PLEKHG4B: variants seen among roughly 807,000 people sequenced by gnomAD.
PLEKHG4B encodes the protein pleckstrin homology and RhoGEF domain containing G4B, also known as pleckstrin homology domain-containing family G member 4B.
In PLEKHG4B, 111 loss-of-function variants were observed where a neutral mutation model predicts 121.3. The ratio of observed to expected loss-of-function variants is 0.92; its 90% CI spans 0.78 to 1.07. The LOEUF (loss-of-function observed/expected upper bound fraction) is 1.07, where lower values mean the gene tolerates loss of function less well. Among genes scored for constraint, PLEKHG4B ranks in the 50% least tolerant of loss-of-function variants. The probability of loss-of-function intolerance (pLI) is 0.00; values close to 1 mark genes in which losing one functional copy is unlikely to be tolerated. For missense variants in PLEKHG4B, 1,831 were observed against 1,757.8 expected (o/e 1.04, Z -0.74); for synonymous variants, 738 against 725.0 (o/e 1.02, Z -0.29).
Position 184,331 on chromosome 5 carries a change from A to G in PLEKHG4B, c.*2008A>G, listed in dbSNP as rs576220857. ...TAACCAGTGATAAACAGAAAATCCTAAAACCAGTCAGAGGACAAGGGCATG... is the reference window on the plus strand; with the variant it reads ...TAACCAGTGATAAACAGAAAATCCTGAAACCAGTCAGAGGACAAGGGCATG... On this transcript the variant is annotated 3_prime_UTR_variant, in exon 20 of 20. Transcript: ENST00000637938. 6.6e-6 allele frequency: 1 copy of G among 152,242 alleles called. No homozygotes were observed. The highest frequency in any genetic ancestry group is 1.5e-5 in the Non-Finnish European group (1 of 68,056). 9.4% of individuals were successfully genotyped at this position (152,242 alleles called of 1,614,324 possible).
intron 18 of PLEKHG4B, among the ~76,000 whole-genome samples, chr5:176,636 C>T (rs72720474): frequency 0.092 from 14,027 of 152,244 alleles, 873 homozygotes; most frequent in Non-Finnish European, 0.12. Context: ...GAGGCGGAGG[C>T]TTGTTCTGAG....
chr5:172,599 G>T (rs1012518232), intron 16 of PLEKHG4B, among the ~76,000 whole-genome samples: 3 of 152,232 alleles, frequency 2.0e-5, no homozygotes, highest in African/African-American at 7.2e-5. Flanking sequence ...TGGGGGTGTG[G>T]GACGCTCACC....
At chr5:164,596 C>CAG (rs139741779) in intron 13 of PLEKHG4B, among the ~76,000 whole-genome samples, 4,467 of 44,846 alleles carry the variant, frequency 0.1, 1,211 homozygotes, top group African/African-American at 0.13. Flanking sequence ...AATGCTGTGA[C>CAG]GGAGCGGAGC....
At chr5:172,762 T>C in intron 16 of PLEKHG4B, 135 bp from the exon 17 acceptor site, 1 of 932,116 alleles carries the variant, frequency 1.1e-6, no homozygotes, top group Non-Finnish European at 1.7e-6. Context: ...TAAGGCGGAT[T>C]TGCCAGATTT....
At position 157,119 on chromosome 5, in the gene PLEKHG4B, G is replaced by GA. The variant is rs1239854896; in HGVS notation, c.2487+216dup. ...ACGTGAGAGATACTGGATCAGTGGA[G>GA]AAAAAAAATTTGTTTAATCCAGAGG... On this transcript the variant is annotated intron_variant, in intron 11 of 19. Transcript: ENST00000637938. The surrounding 1 kb of genome is among the most constrained non-coding windows in gnomAD (Gnocchi z 4.6). 18 of 744,442 alleles carry GA rather than the reference G, an allele frequency of 2.4e-5. No individual in the cohort carries two copies. The highest frequency in any genetic ancestry group is 3.2e-5 in the Non-Finnish European group (15 of 468,988). The allele number at this position is 744,442 out of a possible 1,614,324, so 46.1% of individuals were successfully genotyped here.
intron 13 of PLEKHG4B, among the ~76,000 whole-genome samples, chr5:167,215 C>T (rs902965898): frequency 6.6e-6 from 1 of 152,196 alleles, no homozygotes; most frequent in Middle Eastern, 3.2e-3. Flanking sequence ...TCGGCCTTCC[C>T]GCCAGTGCTG....
At chr5:158,296 G>T in intron 11 of PLEKHG4B, among the ~76,000 whole-genome samples, 1 of 135,826 alleles carries the variant, frequency 7.4e-6, no homozygotes, top group African/African-American at 2.9e-5. Flanking sequence ...GCCCATCCTG[G>T]GGGTCTCCTC....
intron 1 of PLEKHG4B, among the ~76,000 whole-genome samples, chr5:112,838 G>A (rs1276112130): frequency 6.6e-6 from 1 of 152,196 alleles, no homozygotes; most frequent in African/African-American, 2.4e-5. Context: ...GGAGAGCCGG[G>A]AGGAGCAGCT....
chr5:140,134 C>T lies in PLEKHG4B; in HGVS notation c.895C>T (p.Arg299Trp), dbSNP rs1024869404. The T allele has an allele frequency of 2.4e-5, 15 of 629,906 alleles. No homozygotes were observed. The highest frequency in any genetic ancestry group is 1.1e-4 in the Admixed American group (3 of 27,818). The allele number at this position is 629,906 out of a possible 1,614,324, so 39.0% of individuals were successfully genotyped here. The change falls in exon 3 of 20, where the codon CGG (arginine) becomes TGG (tryptophan). Residue 299 changes from arginine (R) to tryptophan (W), a missense_variant. Coordinates refer to ENST00000637938, the MANE Select transcript of PLEKHG4B (RefSeq NM_052909.5). ...EKVSPSEQGPRMPPENCGGSG... is the reference protein window; with the variant it reads ...EKVSPSEQGPWMPPENCGGSG... Reference sequence around the variant, plus strand: ...GGTCAGCCCCTCAGAGCAGGGCCCACGGATGCCCCCTGAGAACTGTGGGGG... The same window carrying T: ...GGTCAGCCCCTCAGAGCAGGGCCCATGGATGCCCCCTGAGAACTGTGGGGG...
rs146419178 is a variant in PLEKHG4B at position 177,653 on chromosome 5, G to A, written c.4402+3555G>A. On this transcript the variant is annotated intron_variant, in intron 18 of 19. Coordinates refer to ENST00000637938, the MANE Select transcript of PLEKHG4B (RefSeq NM_052909.5). Reference sequence around the variant, plus strand: ...GCAGGAGTGGAAGTTTATTTAAAAAGGCTTTTAGAGCGGGAAAGAAATGAA... The same window carrying A: ...GCAGGAGTGGAAGTTTATTTAAAAAAGCTTTTAGAGCGGGAAAGAAATGAA... Among the ~76,000 whole-genome samples the A allele has an allele frequency of 3.7e-3, 564 of 152,308 alleles. 16 individuals carry two copies. The highest frequency in any genetic ancestry group is 0.034 in the Admixed American group (518 of 15,298).
At chr5:147,179 G>A (rs1735447794) in intron 6 of PLEKHG4B, among the ~76,000 whole-genome samples, 1 of 152,262 alleles carries the variant, frequency 6.6e-6, no homozygotes, top group Admixed American at 6.5e-5. Flanking sequence ...GACAAGAAGT[G>A]CCATGAGTTG....
At chr5:126,762 GA>G (rs1177633235) in intron 2 of PLEKHG4B, among the ~76,000 whole-genome samples, 2 of 152,172 alleles carry the variant, frequency 1.3e-5, no homozygotes, top group Non-Finnish European at 2.9e-5. Flanking sequence ...CGCACATGAG[GA>G]GTGAGTTTAG....
At chr5:164,307 G>C (rs1001497141) in intron 13 of PLEKHG4B, among the ~76,000 whole-genome samples, 3 of 152,226 alleles carry the variant, frequency 2.0e-5, no homozygotes, top group South Asian at 2.1e-4. Flanking sequence ...TAAGGAGCAC[G>C]AAACCTAGAT....
At chr5:125,260 T>A (rs969917082) in intron 2 of PLEKHG4B, among the ~76,000 whole-genome samples, 1 of 152,234 alleles carries the variant, frequency 6.6e-6, no homozygotes, top group Non-Finnish European at 1.5e-5. Context: ...AGCTTTTTTG[T>A]CCATTTCCTG....
chr5:142,972 C>G (rs1735272877), intron 3 of PLEKHG4B, 75 bp from the exon 4 acceptor site: 1 of 1,388,976 alleles, frequency 7.2e-7, no homozygotes, highest in Admixed American at 1.8e-5. Flanking sequence ...TGGTTCATAG[C>G]AAGCTGAGCA....
At chr5:175,454 C>G (rs569359340) in intron 18 of PLEKHG4B, among the ~76,000 whole-genome samples, 1 of 152,174 alleles carries the variant, frequency 6.6e-6, no homozygotes, top group Non-Finnish European at 1.5e-5. Context: ...AGGTCCTGCC[C>G]CAGCACCTCA....
intron 5 of PLEKHG4B, 43 bp downstream of exon 5, chr5:143,546 C>T: frequency 6.2e-7 from 1 of 1,600,010 alleles, no homozygotes; most frequent in African/African-American, 1.3e-5. Context: ...CCCATGGGAC[C>T]CCAGCTGCAT....
Position 173,619 on chromosome 5 carries a change from T to A in PLEKHG4B, c.4222-299T>A, listed in dbSNP as rs368621197. Among the ~76,000 whole-genome samples, 723 of 147,866 alleles carry A rather than the reference T, an allele frequency of 4.9e-3. 4 individuals are homozygous for A. Among genetic ancestry groups the A allele is most frequent in the African/African-American group, 0.018 (677 of 37,620 alleles). ...ACTGTTAAGCAGCCTCACACACCCA[T>A]GAGCAGCATTGCACACAGGGACAGT... On this transcript the variant is annotated intron_variant, in intron 17 of 19. Transcript: ENST00000637938.
chr5:115,198 T>G (rs1332071237), intron 2 of PLEKHG4B, among the ~76,000 whole-genome samples: 1 of 152,252 alleles, frequency 6.6e-6, no homozygotes, highest in East Asian at 1.9e-4. Context: ...CTTGTACATC[T>G]TCATCAGAGC....
Sources: gnomAD v4.1 joint callset for allele counts (sites outside exome capture counted in the v4.1 genomes callset) on GRCh38, gnomAD v4.1.1 for gene constraint, Gnocchi (gnomAD v3.1) non-coding constraint, MANE v1.5 for transcripts, NCBI Gene and HGNC (gene_info 2026-07-23, HGNC 2026-07-21) for gene names.